Variants in PARD3B observed in about 807,000 individuals in gnomAD.
The protein encoded by PARD3B is par-3 family cell polarity regulator beta, also known as partitioning defective 3 homolog B.
PARD3B carries 103 observed loss-of-function variants against 130.2 expected under a neutral mutation model. The ratio of observed to expected loss-of-function variants is 0.79; its 90% confidence interval spans 0.67 to 0.93. PARD3B has a LOEUF of 0.93. Ranked by LOEUF, PARD3B falls within the 40% of genes least tolerant of loss-of-function variation. The probability of loss-of-function intolerance (pLI) is 0.00; values close to 1 mark genes in which losing one functional copy is unlikely to be tolerated. For missense variants in PARD3B, 1,609 were observed against 1,499.2 expected (o/e 1.07, Z -1.21); for synonymous variants, 583 against 553.2 (o/e 1.05, Z -0.76).
intron 2 of PARD3B, 40 bp from the exon 3 acceptor site, chr2:204,965,112 T>C: frequency 6.3e-7 from 1 of 1,595,720 alleles, no homozygotes; most frequent in Non-Finnish European, 8.6e-7. Context: ...GTGGTATGCA[T>C]GTCCTACAAA....
chr2:205,225,940 A>G (rs1055703181), intron 15 of PARD3B, among the ~76,000 whole-genome samples: 1 of 152,166 alleles, frequency 6.6e-6, no homozygotes, highest in African/African-American at 2.4e-5. Flanking sequence ...ATTTTCACCC[A>G]TTCTGTGGAT....
At chr2:205,607,804 C>T (rs996468182) in intron 22 of PARD3B, among the ~76,000 whole-genome samples, 4 of 148,574 alleles carry the variant, frequency 2.7e-5, no homozygotes, top group African/African-American at 1.0e-4. Context: ...GAAATCATGA[C>T]ATGGAGGCCC....
At chr2:205,436,301 C>T (rs1444398206) in intron 19 of PARD3B, among the ~76,000 whole-genome samples, 1 of 152,146 alleles carries the variant, frequency 6.6e-6, no homozygotes, top group Non-Finnish European at 1.5e-5. Flanking sequence ...TTGAATTCTT[C>T]ATTTTGATGC....
intron 1 of PARD3B, among the ~76,000 whole-genome samples, chr2:204,596,145 T>C (rs2033279965): frequency 6.6e-6 from 1 of 152,202 alleles, no homozygotes; most frequent in Non-Finnish European, 1.5e-5. Flanking sequence ...GATAAAGGAA[T>C]ATAATGTCCT....
chr2:204,553,953 G>T (rs1335029734), intron 1 of PARD3B, among the ~76,000 whole-genome samples: 1 of 151,684 alleles, frequency 6.6e-6, no homozygotes, highest in Admixed American at 6.6e-5. Context: ...TACTGCTCAG[G>T]TGATGGATGC....
intron 16 of PARD3B, among the ~76,000 whole-genome samples, chr2:205,261,050 G>A (rs1428971515): frequency 1.3e-5 from 2 of 151,966 alleles, no homozygotes; most frequent in Non-Finnish European, 2.9e-5. Flanking sequence ...TTTTTCACTT[G>A]TTTTTTTGTT....
At chr2:205,188,739 G>A (rs531870019) in intron 14 of PARD3B, among the ~76,000 whole-genome samples, 3 of 146,800 alleles carry the variant, frequency 2.0e-5, no homozygotes, top group Non-Finnish European at 4.4e-5. Flanking sequence ...CTGGAAGGGA[G>A]CCAGGAGGAT....
rs969853033 is a variant in PARD3B, at chr2:205,288,172, T to C, written c.2186-12358T>C. The stretch of plus-strand genomic sequence containing the variant: ...AATGAAGCCATGCCAGGAGGAAGCC[T>C]AGGGGTAGCAGGCAGTGCCCCCTGT... On this transcript the variant is annotated intron_variant, in intron 16 of 22. Coordinates refer to ENST00000406610, the MANE Select transcript of PARD3B (RefSeq NM_001302769.2). This position sits in a 1 kb window ranked among gnomAD's most constrained non-coding sequence, Gnocchi z 4.0. Among the ~76,000 whole-genome samples the C allele has an allele frequency of 6.6e-6, 1 of 152,082 alleles. No homozygotes were observed. Among genetic ancestry groups the C allele is most frequent in the Admixed American group, 6.5e-5 (1 of 15,278 alleles).
chr2:205,263,758 C>T lies in PARD3B; in HGVS notation c.2185+17936C>T, dbSNP rs1377042301. On this transcript the variant is annotated intron_variant, in intron 16 of 22. Coordinates refer to ENST00000406610, the MANE Select transcript of PARD3B (RefSeq NM_001302769.2). This position sits in a 1 kb window ranked among gnomAD's most constrained non-coding sequence, Gnocchi z 4.0. Reference sequence around the variant, plus strand: ...AAATGTTTACTCTTCAAAAGATACTCTTGAGAAAATGAAAAGACAAGTCAC... The same window carrying T: ...AAATGTTTACTCTTCAAAAGATACTTTTGAGAAAATGAAAAGACAAGTCAC... Among the ~76,000 whole-genome samples, 1 of 151,102 alleles carries T rather than the reference C, an allele frequency of 6.6e-6. No individual in the cohort carries two copies. Among genetic ancestry groups the T allele is most frequent in the African/African-American group, 2.4e-5 (1 of 41,132 alleles).
At chr2:205,126,695 G>A (rs1463417959) in intron 10 of PARD3B, among the ~76,000 whole-genome samples, 12 of 136,620 alleles carry the variant, frequency 8.8e-5, no homozygotes, top group Non-Finnish European at 1.4e-4. Context: ...GCAGTGAGCC[G>A]AGATTGCGCC....
intron 2 of PARD3B, among the ~76,000 whole-genome samples, chr2:204,953,881 C>T (rs1420597770): frequency 6.6e-6 from 1 of 151,966 alleles, no homozygotes; most frequent in Non-Finnish European, 1.5e-5. Flanking sequence ...GCCTTTTGTG[C>T]TAAATTTATA....
intron 21 of PARD3B, among the ~76,000 whole-genome samples, chr2:205,507,952 A>G (rs1380404270): frequency 6.6e-6 from 1 of 152,190 alleles, no homozygotes; most frequent in East Asian, 1.9e-4. Flanking sequence ...AAATTATCAG[A>G]CCTCTGGAAT....
At chr2:204,634,486 A>T (rs1172432528) in intron 1 of PARD3B, among the ~76,000 whole-genome samples, 1 of 152,186 alleles carries the variant, frequency 6.6e-6, no homozygotes, top group East Asian at 1.9e-4. Context: ...TTAAACAAGG[A>T]CCATGCATTG....
chr2:204,592,832 A>G lies in PARD3B; in HGVS notation c.120+46713A>G, dbSNP rs533203053. On this transcript the variant is annotated intron_variant, in intron 1 of 22. Transcript: ENST00000406610. ...TCTACTTTTGGTACTTTTGGTCCCTATGAAGTTGCCCACTCTGGACATTTC... is the reference window on the plus strand; with the variant it reads ...TCTACTTTTGGTACTTTTGGTCCCTGTGAAGTTGCCCACTCTGGACATTTC... Among the ~76,000 whole-genome samples the G allele has an allele frequency of 1.3e-3, 203 of 152,316 alleles. 1 individual carries two copies. The Middle Eastern group carries it at 0.034, about 26-fold the overall frequency.
At chr2:205,067,767 A>G (rs572359456) in intron 4 of PARD3B, among the ~76,000 whole-genome samples, 13 of 152,254 alleles carry the variant, frequency 8.5e-5, no homozygotes, top group Non-Finnish European at 4.4e-5. Flanking sequence ...TATTTAGATG[A>G]TGCTATTTTT....
At chr2:204,833,882 A>G (rs2043927093) in intron 2 of PARD3B, among the ~76,000 whole-genome samples, 1 of 152,142 alleles carries the variant, frequency 6.6e-6, no homozygotes, top group South Asian at 2.1e-4. Context: ...AACGTGACCC[A>G]CAAGCCCGGA....
intron 1 of PARD3B, among the ~76,000 whole-genome samples, chr2:204,629,526 A>G (rs914423305): frequency 4.6e-5 from 7 of 152,302 alleles, no homozygotes; most frequent in Admixed American, 1.3e-4. Context: ...CAGTAGATTT[A>G]TTAAGTTCTC....
chr2:204,615,778 G>A (rs1029777093), intron 1 of PARD3B, among the ~76,000 whole-genome samples: 1 of 152,158 alleles, frequency 6.6e-6, no homozygotes, highest in African/African-American at 2.4e-5. Context: ...GTTTGACAAT[G>A]AAAATAGTGC....
chr2:205,600,345 A>G (rs1262720116), intron 22 of PARD3B, among the ~76,000 whole-genome samples: 2 of 152,128 alleles, frequency 1.3e-5, no homozygotes, highest in Non-Finnish European at 2.9e-5. Context: ...GATTGGTTTA[A>G]TTTTGTACTC....
Sources: gnomAD v4.1 joint callset for allele counts (sites outside exome capture counted in the v4.1 genomes callset) on GRCh38, gnomAD v4.1.1 for gene constraint, Gnocchi (gnomAD v3.1) non-coding constraint, MANE v1.5 for transcripts, NCBI Gene and HGNC (gene_info 2026-07-23, HGNC 2026-07-21) for gene names.